Variants in STYXL1 observed in about 807,000 individuals in gnomAD.
STYXL1 encodes the protein serine/threonine/tyrosine-interacting-like protein 1.
In STYXL1, 32 loss-of-function variants were observed where a neutral mutation model predicts 36.4. The observed-to-expected ratio is 0.88, with a 90% CI of 0.66 to 1.18. The LOEUF (loss-of-function observed/expected upper bound fraction) is 1.18. Among genes scored for constraint, STYXL1 ranks in the 50% most tolerant of loss-of-function variants. The pLI is 0.00. For missense variants in STYXL1, 354 were observed against 394.1 expected, an observed-to-expected ratio of 0.90 and a Z score of 0.86; for synonymous variants, 133 against 144.1, an observed-to-expected ratio of 0.92 and a Z score of 0.55.
rs1563535621 is a variant in STYXL1, at chr7:76,046,348, G to GCA, written c.-5+1313_-5+1314insTG. Among the ~76,000 whole-genome samples, 45 of 63,612 alleles carry GCA rather than the reference G, an allele frequency of 7.1e-4. 2 individuals are homozygous for GCA. Among genetic ancestry groups the GCA allele is most frequent in the Admixed American group, 6.7e-3 (42 of 6,270 alleles). The allele number at this position is 63,612 out of a possible 152,430, so 41.7% of individuals were successfully genotyped here. ...TGTGTGTGTGTGTGTGTGCGCGCGC[G>GCA]CGCGCGCGCGCTTTTGAGCCGGAGT... On this transcript the variant is annotated intron_variant, in intron 1 of 8. Transcript: ENST00000359697.
intron 4 of STYXL1, among the ~76,000 whole-genome samples, chr7:76,018,247 G>A (rs1471189858): frequency 2.0e-5 from 3 of 151,958 alleles, no homozygotes; most frequent in Non-Finnish European, 4.4e-5. Flanking sequence ...CAAACTCCCA[G>A]CTCCACTTAA....
chr7:76,003,151 A>C (rs1791205547), intron 7 of STYXL1, among the ~76,000 whole-genome samples: 1 of 151,720 alleles, frequency 6.6e-6, no homozygotes, highest in Non-Finnish European at 1.5e-5. Flanking sequence ...ACTGGTGGGC[A>C]TCACTTGGGT....
intron 1 of STYXL1, among the ~76,000 whole-genome samples, chr7:76,042,873 C>G (rs1796607677): frequency 6.6e-6 from 1 of 152,112 alleles, no homozygotes; most frequent in African/African-American, 2.4e-5. Context: ...TTAATGAAAC[C>G]AGAAGCCAGC....
intron 4 of STYXL1, among the ~76,000 whole-genome samples, chr7:76,016,307 T>G (rs1351127515): frequency 6.6e-6 from 1 of 151,866 alleles, no homozygotes; most frequent in African/African-American, 2.4e-5. Flanking sequence ...CATGTGTATA[T>G]ATACACGTAT....
intron 3 of STYXL1, among the ~76,000 whole-genome samples, chr7:76,027,707 A>C (rs1286597832): frequency 1.3e-4 from 20 of 152,164 alleles, no homozygotes; most frequent in Admixed American, 1.2e-3. Context: ...ATTAAAAACA[A>C]CAAAAAAAGA....
At chr7:76,002,338 G>A (rs75974006) in intron 7 of STYXL1, among the ~76,000 whole-genome samples, 1,693 of 152,290 alleles carry the variant, frequency 0.011, 26 homozygotes, top group African/African-American at 0.036. Context: ...GCTGGCACCC[G>A]AGGCTGGTCT....
At chr7:76,017,920 A>G (rs1554574552) in intron 4 of STYXL1, among the ~76,000 whole-genome samples, 3 of 150,820 alleles carry the variant, frequency 2.0e-5, no homozygotes, top group African/African-American at 7.3e-5. Flanking sequence ...CCTACTACCT[A>G]TTGGGTTCTA....
Position 76,013,817 on chromosome 7 carries a change from G to A in STYXL1, c.378C>T (p.Ile126=), listed in dbSNP as rs1554573024. 1 of 1,614,030 alleles carries A rather than the reference G, an allele frequency of 6.2e-7. No individual in the cohort carries two copies. Among genetic ancestry groups the A allele is most frequent in the Admixed American group, 1.7e-5 (1 of 59,990 alleles). ...LTRLTHHPVY[I]LKGGYERFSG... is the part of the protein sequence containing the mutation. ...AGAAGCGCTCATAGCCCCCTTTCAG[G>A]ATGTAGACGGGGTGGTGGGTGAGGC... The change falls in exon 5 of 9, where the codon ATC becomes ATT. Residue 126 remains isoleucine (I), a synonymous_variant. Transcript: ENST00000359697.
intron 3 of STYXL1, among the ~76,000 whole-genome samples, chr7:76,024,822 G>A (rs989402071): frequency 2.0e-5 from 3 of 151,588 alleles, no homozygotes; most frequent in African/African-American, 4.8e-5. Context: ...GGTGGTATGC[G>A]CCTGTAGTCC....
chr7:76,007,320 G>A (rs1791906059), intron 5 of STYXL1, among the ~76,000 whole-genome samples: 1 of 152,100 alleles, frequency 6.6e-6, no homozygotes, highest in Non-Finnish European at 1.5e-5. Context: ...CAGCTACTCG[G>A]GAGGCTGAGG....
At chr7:76,037,729 T>C (rs1053408085) in intron 1 of STYXL1, among the ~76,000 whole-genome samples, 5 of 149,674 alleles carry the variant, frequency 3.3e-5, no homozygotes, top group African/African-American at 9.7e-5. Context: ...GTGGACACAA[T>C]TGATGGGCAT....
At chr7:76,002,429 C>T (rs1208291502) in intron 7 of STYXL1, among the ~76,000 whole-genome samples, 1 of 152,176 alleles carries the variant, frequency 6.6e-6, no homozygotes, top group African/African-American at 2.4e-5. Flanking sequence ...GCAGAGATGA[C>T]GATGGCCACC....
intron 3 of STYXL1, among the ~76,000 whole-genome samples, chr7:76,025,502 AT>A (rs1390724391): frequency 6.6e-6 from 1 of 152,058 alleles, no homozygotes; most frequent in African/African-American, 2.4e-5. Flanking sequence ...TAAGAGTAAG[AT>A]TATGGGCCTG....
intron 5 of STYXL1, among the ~76,000 whole-genome samples, chr7:76,013,049 G>A (rs1792771810): frequency 6.6e-6 from 1 of 152,204 alleles, no homozygotes; most frequent in East Asian, 1.9e-4. Flanking sequence ...CTGTGGCCGG[G>A]CAGGATGGCT....
At position 75,997,503 on chromosome 7, in the gene STYXL1, C is replaced by T. The variant is rs142429021; in HGVS notation, c.811-904G>A. On this transcript the variant is annotated intron_variant, in intron 8 of 8. Coordinates refer to ENST00000359697, the MANE Select transcript of STYXL1 (RefSeq NM_001317785.2). ...TATATGAGAAGCCCACAGCTAACAT[C>T]ACACTCAATGGCGAAAGATAAAGTT... Among the ~76,000 whole-genome samples the T allele has an allele frequency of 8.1e-3, 1,230 of 152,312 alleles. 14 individuals carry two copies. The highest frequency in any genetic ancestry group is 0.028 in the African/African-American group (1,156 of 41,554).
chr7:76,024,521 G>A (rs1554577165), intron 3 of STYXL1, among the ~76,000 whole-genome samples: 1 of 152,172 alleles, frequency 6.6e-6, no homozygotes, highest in African/African-American at 2.4e-5. Context: ...GAAGGGTAAG[G>A]TGGGAGGACT....
intron 1 of STYXL1, among the ~76,000 whole-genome samples, chr7:76,042,667 A>C (rs1796594152): frequency 6.6e-6 from 1 of 151,622 alleles, no homozygotes; most frequent in Admixed American, 6.6e-5. Context: ...TCGGCCTCCC[A>C]AAGTGCTGGG....
intron 3 of STYXL1, 46 bp from the exon 4 acceptor site, chr7:76,022,038 C>G (rs746933763): frequency 5.0e-6 from 8 of 1,584,444 alleles, no homozygotes. Flanking sequence ...TGTTGGTGGG[C>G]AGGTTCGGTT....
chr7:76,015,815 C>T (rs1211776429), intron 4 of STYXL1, among the ~76,000 whole-genome samples: 4 of 152,126 alleles, frequency 2.6e-5, no homozygotes, highest in Non-Finnish European at 5.9e-5. Flanking sequence ...GCAGACCCAC[C>T]CTCAATCTGA....
Sources: allele counts gnomAD v4.1 joint callset (sites outside exome capture counted in the v4.1 genomes callset), GRCh38; gene constraint gnomAD v4.1.1; transcripts MANE v1.5; gene names NCBI Gene and HGNC (gene_info 2026-07-23, HGNC 2026-07-21).